CACNA1S: variants seen among roughly 807,000 people sequenced by gnomAD.
CACNA1S encodes the protein calcium voltage-gated channel subunit alpha1 S.
CACNA1S carries 126 observed loss-of-function variants against 207.4 expected under a neutral mutation model. That is an observed-to-expected ratio of 0.61 (90% CI 0.53 to 0.70). CACNA1S has a LOEUF of 0.70. CACNA1S is among the 30% of genes least tolerant of loss of function. The pLI, the probability that CACNA1S is intolerant of heterozygous loss-of-function variation, is 0.00. For missense variants in CACNA1S, 2,349 were observed against 2,422.8 expected (o/e 0.97, Z 0.64); for synonymous variants, 960 against 932.7 (o/e 1.03, Z -0.53).
chr1:201,069,136 C>A lies in CACNA1S; in HGVS notation c.2550+1G>T, dbSNP rs1219995580. ...AGGGCTGCCCCACAGCCTTCACTCA[C>A]CTTGAGGACAATCTCCACAGTGAAG... On this transcript the variant is annotated splice_donor_variant, in intron 19 of 43. Transcript: ENST00000362061. LOFTEE classifies it high-confidence loss of function. 1 of 1,613,816 alleles carries A rather than the reference C, an allele frequency of 6.2e-7. No homozygotes were observed. The highest frequency in any genetic ancestry group is 1.7e-5 in the Admixed American group (1 of 60,006).
At chr1:201,110,871 C>G (rs960477340) in intron 1 of CACNA1S, among the ~76,000 whole-genome samples, 6 of 152,206 alleles carry the variant, frequency 3.9e-5, no homozygotes, top group African/African-American at 1.4e-4. Flanking sequence ...GTACCCCAGG[C>G]CCATGGCTTT....
At chr1:201,098,407 C>A (rs902289585) in intron 2 of CACNA1S, among the ~76,000 whole-genome samples, 2 of 152,354 alleles carry the variant, frequency 1.3e-5, no homozygotes, top group Non-Finnish European at 2.9e-5. Context: ...GTCAAAGTCA[C>A]ATGGCAAATC....
intron 10 of CACNA1S, among the ~76,000 whole-genome samples, chr1:201,082,802 G>C (rs1008796227): frequency 6.6e-6 from 1 of 152,086 alleles, no homozygotes; most frequent in African/African-American, 2.4e-5. Flanking sequence ...TTGAACTTGG[G>C]TGCTTAGAGT....
chr1:201,073,294 G>C (rs1458824840), intron 15 of CACNA1S, among the ~76,000 whole-genome samples: 1 of 152,142 alleles, frequency 6.6e-6, no homozygotes, highest in African/African-American at 2.4e-5. Context: ...ATACCTCCTT[G>C]GTCTGGAGTG....
chr1:201,105,718 A>T (rs12409114), intron 2 of CACNA1S, among the ~76,000 whole-genome samples: 84,114 of 152,030 alleles, frequency 0.55, 25,774 homozygotes, highest in African/African-American at 0.82. Context: ...GATTTCCCAC[A>T]GACACAGAGC....
chr1:201,098,860 C>T (rs1346370780), intron 2 of CACNA1S, among the ~76,000 whole-genome samples: 1 of 152,190 alleles, frequency 6.6e-6, no homozygotes, highest in Non-Finnish European at 1.5e-5. Flanking sequence ...ATGTCCCCTT[C>T]AAGGAAATTC....
At chr1:201,089,059 T>C (rs907331120) in intron 6 of CACNA1S, among the ~76,000 whole-genome samples, 199 bp downstream of exon 6, 3 of 152,244 alleles carry the variant, frequency 2.0e-5, no homozygotes, top group African/African-American at 7.2e-5. Flanking sequence ...GATTTCCCCA[T>C]AGGATGCTGG....
intron 27 of CACNA1S, 81 bp from the exon 28 acceptor site, chr1:201,058,572 C>T: frequency 8.7e-7 from 1 of 1,150,960 alleles, no homozygotes; most frequent in South Asian, 1.2e-5. Flanking sequence ...GACAGTGTCC[C>T]ACCCGAGCTA....
At chr1:201,090,965 A>G (rs79758512) in intron 5 of CACNA1S, among the ~76,000 whole-genome samples, 1,760 of 152,268 alleles carry the variant, frequency 0.012, 16 homozygotes, top group Non-Finnish European at 0.02. Flanking sequence ...TGGGTTTCTT[A>G]CTGTTCTTTA....
intron 39 of CACNA1S, 64 bp downstream of exon 39, chr1:201,044,262 CCT>C: frequency 6.2e-7 from 1 of 1,603,518 alleles, no homozygotes; most frequent in South Asian, 1.1e-5. Context: ...TCCCAGCCCT[CCT>C]CTCTGTGAGA....
chr1:201,091,789 A>G lies in CACNA1S; in HGVS notation c.545T>C (p.Leu182Pro). 3 of 1,613,372 alleles carry G rather than the reference A, an allele frequency of 1.9e-6. No homozygotes were observed. The highest frequency in any genetic ancestry group is 2.5e-6 in the Non-Finnish European group (3 of 1,179,544). Residue 182 changes from leucine (L) to proline (P), a missense_variant, in exon 5 of 44, where the codon CTG (leucine) becomes CCG (proline). Physicochemically the swap from Leu to Pro is moderately conservative, Grantham distance 98. Transcript: ENST00000362061. ...PLRLVSGVPS[L>P]QVVLNSIFKA... ...GAAGATGGAGTTCAGGACCACCTGC[A>G]GGCCTGCAGAGGCAGGCAGGGAAGG...
At chr1:201,090,423 A>G (rs1199667681) in intron 5 of CACNA1S, among the ~76,000 whole-genome samples, 1 of 152,164 alleles carries the variant, frequency 6.6e-6, no homozygotes, top group Non-Finnish European at 1.5e-5. Context: ...CTAGGAATAT[A>G]ATCCCTGAAA....
At chr1:201,062,244 G>A (rs1468264555) in intron 23 of CACNA1S, among the ~76,000 whole-genome samples, 154 bp from the exon 24 acceptor site, 1 of 152,122 alleles carries the variant, frequency 6.6e-6, no homozygotes, top group African/African-American at 2.4e-5. Context: ...GAGGAAAGGG[G>A]CCTCTGTGAG....
At chr1:201,045,734 C>CAAAA (rs56958698) in intron 38 of CACNA1S, among the ~76,000 whole-genome samples, 1 of 72,642 alleles carries the variant, frequency 1.4e-5, no homozygotes, top group Non-Finnish European at 2.5e-5. Flanking sequence ...CTCTTGTCTC[C>CAAAA]AAAAAAAAAA....
At chr1:201,052,795 C>A (rs977490710) in intron 31 of CACNA1S, 147 bp from the exon 32 acceptor site, 32 of 682,308 alleles carry the variant, frequency 4.7e-5, no homozygotes, top group Admixed American at 2.2e-4. Flanking sequence ...GACCTGAAGC[C>A]AAAAAAAACG....
chr1:201,088,922 G>A (rs1398681448), intron 6 of CACNA1S, among the ~76,000 whole-genome samples: 1 of 152,132 alleles, frequency 6.6e-6, no homozygotes, highest in Non-Finnish European at 1.5e-5. Context: ...AGACTCAAAG[G>A]GCCCTTCGTT....
Position 201,053,564 on chromosome 1 carries a change from G to A in CACNA1S, c.3690C>T (p.Ile1230=), listed in dbSNP as rs1246570435. 2.5e-6 allele frequency: 4 copies of A among 1,613,716 alleles called. No homozygotes were observed. In the African/African-American group the frequency reaches 5.3e-5, roughly 22 times the overall value. ...GGAACAGGCGGAAGAAGGCGCTGGA[G>A]ATGCGGGCACTCTCATCTGGGTCCT... is the stretch of plus-strand genomic sequence containing the variant. ...GNVDPDESAR[I]SSAFFRLFRV... is the part of the protein sequence containing the mutation. Residue 1230 remains isoleucine, a synonymous_variant, in exon 30 of 44, where the codon ATC becomes ATT. Coordinates refer to ENST00000362061, the MANE Select transcript of CACNA1S (RefSeq NM_000069.3). The surrounding 1 kb of genome is among the most constrained non-coding windows in gnomAD (Gnocchi z 5.1).
At chr1:201,082,402 C>A (rs1661870864) in intron 10 of CACNA1S, among the ~76,000 whole-genome samples, 1 of 152,202 alleles carries the variant, frequency 6.6e-6, no homozygotes, top group African/African-American at 2.4e-5. Flanking sequence ...TGTTGCCACT[C>A]TCTTAGTCAC....
chr1:201,079,454 C>T (rs942650541), intron 10 of CACNA1S, among the ~76,000 whole-genome samples: 3 of 152,082 alleles, frequency 2.0e-5, no homozygotes, highest in Admixed American at 1.3e-4. Flanking sequence ...GGTGCCACAT[C>T]CTTCTGGGTT....
Sources: allele counts gnomAD v4.1 joint callset (sites outside exome capture counted in the v4.1 genomes callset), GRCh38; gene constraint gnomAD v4.1.1; non-coding constraint Gnocchi (gnomAD v3.1); transcripts MANE v1.5; gene names NCBI Gene and HGNC (gene_info 2026-07-23, HGNC 2026-07-21).